Variants in C1R observed in about 807,000 individuals in gnomAD.
C1R encodes the protein complement C1r, also known as complement C1r subcomponent.
A neutral mutation model predicts 27.6 loss-of-function variants in C1R; 15 were observed. That is an observed-to-expected ratio of 0.54 (90% CI 0.36 to 0.84). The LOEUF (loss-of-function observed/expected upper bound fraction) is 0.84. C1R is among the 40% of genes least tolerant of loss of function. C1R has a pLI of 0.01. For missense variants in C1R, 544 were observed against 577.9 expected (o/e 0.94, Z 0.60); for synonymous variants, 253 against 228.8 (o/e 1.11, Z -0.95).
intron 2 of C1R, 163 bp from the exon 3 acceptor site, chr12:7,090,411 T>C (rs1235679882): frequency 6.6e-6 from 4 of 603,564 alleles, no homozygotes; most frequent in Non-Finnish European, 1.2e-5. Context: ...CTTCCCCATG[T>C]GACTTTCAGC....
In C1R at chr12:7,091,670, A is replaced by T. The variant is rs2135745639; in HGVS notation, c.13T>A (p.Tyr5Asn). 2 of 737,938 alleles carry T rather than the reference A, an allele frequency of 2.7e-6. No homozygotes were observed. Among genetic ancestry groups the T allele is most frequent in the South Asian group, 1.4e-5 (1 of 69,338 alleles). 45.7% of individuals were successfully genotyped at this position (737,938 alleles called of 1,614,324 possible). Residue 5 changes from tyrosine to asparagine, a missense_variant, in exon 2 of 11, where the codon TAC becomes AAC. Coordinates refer to ENST00000647956, the MANE Select transcript of C1R (RefSeq NM_001733.7). This position sits in a 1 kb window ranked among gnomAD's most constrained non-coding sequence, Gnocchi z 5.1. MWLL[Y>N]LLVPALFCRA... Reference sequence around the variant, plus strand: ...CAGAACAGGGCCGGCACCAGGAGGTACAAGAGCCACCTGCCAAAACAAAAG... The same window carrying T: ...CAGAACAGGGCCGGCACCAGGAGGTTCAAGAGCCACCTGCCAAAACAAAAG...
At chr12:7,082,140 G>T in intron 9 of C1R, 34 bp from the exon 10 acceptor site, 2 of 1,273,040 alleles carry the variant, frequency 1.6e-6, no homozygotes, top group African/African-American at 1.5e-5. Flanking sequence ...CAAGTTGGGG[G>T]GTGATGGGTA....
rs1938059798 is a variant in C1R at position 7,081,319 on chromosome 12, A to G, written c.1349-18T>C. ...CCCACACACTGAGGGAGAGACAGGG[A>G]AGACAAGGGCAAGTCAGTTCCAGGT... On this transcript the variant is annotated intron_variant, in intron 10 of 10. Transcript: ENST00000647956. 6.2e-7 allele frequency: 1 copy of G among 1,602,978 alleles called. No individual in the cohort carries two copies. The highest frequency in any genetic ancestry group is 8.5e-7 in the Non-Finnish European group (1 of 1,174,096).
intron 5 of C1R, 93 bp from the exon 6 acceptor site, chr12:7,089,079 G>A: frequency 1.6e-6 from 1 of 640,866 alleles, no homozygotes. Context: ...GGTGGTGGTG[G>A]TGATGAAATC....
In C1R at chr12:7,091,935, C is replaced by A; in HGVS notation, c.3-255G>T. ...CACTCCCCTCACACTCCCTTTCCAG[C>A]CTCCTCCCCTGCCCGGACGCGTCCC... is the stretch of plus-strand genomic sequence containing the variant. On this transcript the variant is annotated intron_variant, in intron 1 of 10. Transcript: ENST00000647956. The surrounding 1 kb of genome is among the most constrained non-coding windows in gnomAD (Gnocchi z 5.1). 1 of 651,994 alleles carries A rather than the reference C, an allele frequency of 1.5e-6. No homozygotes were observed. Among genetic ancestry groups the A allele is most frequent in the Non-Finnish European group, 2.8e-6 (1 of 354,190 alleles). The allele number at this position is 651,994 out of a possible 1,614,324, so 40.4% of individuals were successfully genotyped here.
Position 7,080,470 on chromosome 12 carries a change from G to T in C1R, c.*62C>A. 6.6e-7 allele frequency: 1 copy of T among 1,509,998 alleles called. No homozygotes were observed. Among genetic ancestry groups the T allele is most frequent in the Non-Finnish European group, 8.8e-7 (1 of 1,131,068 alleles). 93.5% of individuals were successfully genotyped at this position (1,509,998 alleles called of 1,614,324 possible). A position where few individuals can be genotyped will look rare whatever the true frequency, so the allele number is the denominator to read the frequency against. On this transcript the variant is annotated 3_prime_UTR_variant, in exon 11 of 11. Coordinates refer to ENST00000647956, the MANE Select transcript of C1R (RefSeq NM_001733.7). The surrounding 1 kb of genome is among the most constrained non-coding windows in gnomAD (Gnocchi z 4.9). ...CTTAGTGGTTATCAACAACTGGTCA[G>T]TTGTTTTTTGTTTTTTTTTTTCCAC...
In C1R at chr12:7,080,798, G is replaced by A. The variant is rs1938043203; in HGVS notation, c.1852C>T (p.Gln618Ter). 6.2e-7 allele frequency: 1 copy of A among 1,613,978 alleles called. No homozygotes were observed. The highest frequency in any genetic ancestry group is 8.5e-7 in the Non-Finnish European group (1 of 1,179,882). ...CCCCGGAGCCAGTTCTCACAGGCCT[G>A]TGGATTAGCTACGGGCAGACGGACA... is the stretch of plus-strand genomic sequence containing the variant. Reference protein sequence around the residue: ...RFVRLPVANPQACENWLRGKN... With the variant: ...RFVRLPVANP Residue 618 changes from glutamine to a stop codon, truncating the protein, a stop_gained, in exon 11 of 11, where the codon CAG becomes TAG. Transcript: ENST00000647956. LOFTEE classifies it low-confidence loss of function (END_TRUNC). This position sits in a 1 kb window ranked among gnomAD's most constrained non-coding sequence, Gnocchi z 4.9.
rs750440264 is a variant in C1R, at chr12:7,091,814, CATGTTCTCA to C, written c.3-143_3-135del. ...CTCTGCCCACCCTGAACCTCACAGA[CATGTTCTCA>C]GCAGGGGTGCGTGGGTGGGGAGGAT... On this transcript the variant is annotated intron_variant, in intron 1 of 10. Transcript: ENST00000647956. The surrounding 1 kb of genome is among the most constrained non-coding windows in gnomAD (Gnocchi z 5.1). 1.4e-6 allele frequency: 1 copy of C among 707,886 alleles called. No homozygotes were observed. The highest frequency in any genetic ancestry group is 2.0e-5 in the Admixed American group (1 of 49,992). 43.9% of individuals were successfully genotyped at this position (707,886 alleles called of 1,614,324 possible).
chr12:7,088,701 T>C lies in C1R; in HGVS notation c.947A>G (p.Asp316Gly), dbSNP rs780303246. The stretch of plus-strand genomic sequence containing the variant: ...CAGGTTCTGGATGATGGTGAACTCG[T>C]CTAGGGTCTTGGGCTGGGGGCACTT... The part of the protein sequence containing the change: ...IIKCPQPKTL[D>G]EFTIIQNLQP... Residue 316 changes from aspartate to glycine, a missense_variant, in exon 7 of 11, where the codon GAC (aspartate) becomes GGC (glycine). Asp to Gly is a moderately conservative substitution (Grantham distance 94, BLOSUM62 -1). Transcript: ENST00000647956. 6.4e-6 allele frequency: 5 copies of C among 775,986 alleles called. No homozygotes were observed. The highest frequency in any genetic ancestry group is 1.2e-5 in the Non-Finnish European group (5 of 415,922). 48.1% of individuals were successfully genotyped at this position (775,986 alleles called of 1,614,324 possible). A position where few individuals can be genotyped will look rare whatever the true frequency, so the allele number is the denominator to read the frequency against.
At position 7,091,350 on chromosome 12, in the gene C1R, C is replaced by T. The variant is rs1938268856; in HGVS notation, c.231+102G>A. On this transcript the variant is annotated intron_variant, in intron 2 of 10. Coordinates refer to ENST00000647956, the MANE Select transcript of C1R (RefSeq NM_001733.7). This position sits in a 1 kb window ranked among gnomAD's most constrained non-coding sequence, Gnocchi z 5.1. ...TCAGAGAGGCCGTTGGCCATCAGCT[C>T]TTGTGGGGCTGGGCTGTGTCTGGGG... 1.5e-5 allele frequency: 10 copies of T among 674,840 alleles called. No homozygotes were observed. The highest frequency in any genetic ancestry group is 1.9e-5 in the Non-Finnish European group (7 of 374,146). 41.8% of individuals were successfully genotyped at this position (674,840 alleles called of 1,614,324 possible). A position where few individuals can be genotyped will look rare whatever the true frequency, so the allele number is the denominator to read the frequency against.
At position 7,080,644 on chromosome 12, in the gene C1R, A is replaced by T. The variant is rs770912190; in HGVS notation, c.2006T>A (p.Val669Glu). 2 of 1,613,736 alleles carry T rather than the reference A, an allele frequency of 1.2e-6. No homozygotes were observed. Among genetic ancestry groups the T allele is most frequent in the African/African-American group, 2.7e-5 (2 of 74,874 alleles). Residue 669 changes from valine (V) to glutamate (E), a missense_variant, in exon 11 of 11, where the codon GTG (valine) becomes GAG (glutamate). By Grantham distance (121) the Val-to-Glu change is moderately radical. Coordinates refer to ENST00000647956, the MANE Select transcript of C1R (RefSeq NM_001733.7). The surrounding 1 kb of genome is among the most constrained non-coding windows in gnomAD (Gnocchi z 4.9). ...GCCCCAGGACACGATGCCCGTGGCC[A>T]CCCAGCGATCAGTGTTCGGGTCCCT... Reference protein sequence around the residue: ...AVRDPNTDRWVATGIVSWGIG... With the variant: ...AVRDPNTDRWEATGIVSWGIG...
In C1R at chr12:7,091,613, T is replaced by C. The variant is rs1938276761; in HGVS notation, c.70A>G (p.Lys24Glu). 1.3e-6 allele frequency: 1 copy of C among 765,194 alleles called. No individual in the cohort carries two copies. Among genetic ancestry groups the C allele is most frequent in the African/African-American group, 1.7e-5 (1 of 58,738 alleles). 47.4% of individuals were successfully genotyped at this position (765,194 alleles called of 1,614,324 possible). ...GGGGAAGTCACCTCCCCAAATAACTTCTGAGGGATGGGAATGGAGCCTCCT... is the reference window on the plus strand; with the variant it reads ...GGGGAAGTCACCTCCCCAAATAACTCCTGAGGGATGGGAATGGAGCCTCCT... ...RAGGSIPIPQ[K>E]LFGEVTSPLF... Residue 24 changes from lysine (K) to glutamate (E), a missense_variant, in exon 2 of 11, where the codon AAG becomes GAG. Physicochemically the swap from Lys to Glu is moderately conservative, Grantham distance 56 (BLOSUM62 1). Coordinates refer to ENST00000647956, the MANE Select transcript of C1R (RefSeq NM_001733.7). The surrounding 1 kb of genome is among the most constrained non-coding windows in gnomAD (Gnocchi z 5.1).
intron 7 of C1R, 187 bp from the exon 8 acceptor site, chr12:7,086,644 G>A (rs1332974405): frequency 2.6e-6 from 1 of 385,014 alleles, no homozygotes; most frequent in Non-Finnish European, 4.6e-6. Context: ...GCCCATTACA[G>A]ACAGGAGCAT....
rs763682218 is a variant in C1R at position 7,088,932 on chromosome 12, C to T, written c.823G>A (p.Asp275Asn). 7.9e-6 allele frequency: 6 copies of T among 761,634 alleles called. No individual in the cohort carries two copies. The highest frequency in any genetic ancestry group is 1.4e-5 in the South Asian group (1 of 71,192). 47.2% of individuals were successfully genotyped at this position (761,634 alleles called of 1,614,324 possible). A position where few individuals can be genotyped will look rare whatever the true frequency, so the allele number is the denominator to read the frequency against. Reference protein sequence around the residue: ...GEFCGKQRPPDLDTSSNAVDL... With the variant: ...GEFCGKQRPPNLDTSSNAVDL... ...ACAGCATTGCTGCTGGTGTCGAGGT[C>T]GGGGGGCCTTTGCTTCCCACAGAAC... The change falls in exon 6 of 11, where the codon GAC becomes AAC. Residue 275 changes from aspartate (D) to asparagine (N), a missense_variant. Around this residue, in one of 2 missense-constraint regions of C1R, gnomAD observed 291 missense variants for 209.0 expected, o/e 1.39. Transcript: ENST00000647956.
intron 7 of C1R, 36 bp downstream of exon 7, chr12:7,088,574 T>A (rs1167788283): frequency 1.4e-6 from 1 of 718,894 alleles, no homozygotes; most frequent in South Asian, 1.5e-5. Flanking sequence ...CCTGGGGTGC[T>A]GGGCCGGCTC....
intron 5 of C1R, 32 bp from the exon 6 acceptor site, chr12:7,089,018 C>A (rs1457572310): frequency 2.9e-6 from 2 of 697,172 alleles, no homozygotes; most frequent in Admixed American, 4.4e-5. Context: ...TTTTTTTCAG[C>A]TTGGACGTTT....
Position 7,091,799 on chromosome 12 carries a change from C to G in C1R, c.3-119G>C, listed in dbSNP as rs1938282666. ...ACTGGGCATTCTCCTCTCTGCCCACCCTGAACCTCACAGACATGTTCTCAG... is the reference window on the plus strand; with the variant it reads ...ACTGGGCATTCTCCTCTCTGCCCACGCTGAACCTCACAGACATGTTCTCAG... On this transcript the variant is annotated intron_variant, in intron 1 of 10. Coordinates refer to ENST00000647956, the MANE Select transcript of C1R (RefSeq NM_001733.7). The surrounding 1 kb of genome is among the most constrained non-coding windows in gnomAD (Gnocchi z 5.1). 2 of 710,628 alleles carry G rather than the reference C, an allele frequency of 2.8e-6. No individual in the cohort carries two copies. Among genetic ancestry groups the G allele is most frequent in the Admixed American group, 2.0e-5 (1 of 49,994 alleles). The allele number at this position is 710,628 out of a possible 1,614,324, so 44.0% of individuals were successfully genotyped here. A position where few individuals can be genotyped will look rare whatever the true frequency, so the allele number is the denominator to read the frequency against.
At chr12:7,090,583 C>A (rs1288225784) in intron 2 of C1R, among the ~76,000 whole-genome samples, 2 of 152,232 alleles carry the variant, frequency 1.3e-5, no homozygotes, top group Admixed American at 1.3e-4. Flanking sequence ...CTGTACCCAG[C>A]CTTTACCTGC....
At chr12:7,081,870 GGCA>G (rs1178479819) in intron 10 of C1R, among the ~76,000 whole-genome samples, 159 bp downstream of exon 10, 1 of 152,148 alleles carries the variant, frequency 6.6e-6, no homozygotes, top group Non-Finnish European at 1.5e-5. Context: ...TAGTGAAAAT[GGCA>G]GCATTTCGGG....
Sources: allele counts gnomAD v4.1 joint callset (sites outside exome capture counted in the v4.1 genomes callset), GRCh38; gene constraint gnomAD v4.1.1; regional missense constraint gnomAD v4.1.1; non-coding constraint Gnocchi (gnomAD v3.1); transcripts MANE v1.5; gene names NCBI Gene and HGNC (gene_info 2026-07-23, HGNC 2026-07-21).